Variants in DHRS9 observed in about 807,000 individuals in gnomAD.
DHRS9 encodes dehydrogenase/reductase SDR family member 9.
A neutral mutation model predicts 26.6 loss-of-function variants in DHRS9; 18 were observed. That is an observed-to-expected ratio of 0.68 (90% CI 0.47 to 1.00). The LOEUF (loss-of-function observed/expected upper bound fraction) is 1.00, where lower values mean the gene tolerates loss of function less well. Among genes scored for constraint, DHRS9 ranks in the 50% least tolerant of loss-of-function variants. The pLI, the probability that DHRS9 is intolerant of heterozygous loss-of-function variation, is 0.00. For synonymous variants in DHRS9, 134 were observed against 141.1 expected (o/e 0.95, Z 0.36); for missense variants, 425 against 378.7 (o/e 1.12, Z -1.01).
intron 2 of DHRS9, among the ~76,000 whole-genome samples, chr2:169,082,874 C>A (rs1202032336): frequency 9.0e-6 from 1 of 110,612 alleles, no homozygotes. Context: ...CACATCGGGG[C>A]CTGTTGTGGG....
chr2:169,079,993 GA>G (rs1558951608), intron 1 of DHRS9, among the ~76,000 whole-genome samples: 1 of 87,282 alleles, frequency 1.1e-5, no homozygotes, highest in Non-Finnish European at 2.4e-5. Flanking sequence ...GAGAAAGAAA[GA>G]AAGAAAGAAA....
Position 169,070,261 on chromosome 2 carries a change from A to G in DHRS9, c.-60+544A>G, listed in dbSNP as rs1029180902. ...TAAAAAAGCAGGGAAATTCCCAACA[A>G]TTCATATTTGATCCCTGGATCCAGG... On this transcript the variant is annotated intron_variant, in intron 1 of 4. Coordinates refer to ENST00000674881, the MANE Select transcript of DHRS9 (RefSeq NM_001376924.1). 44 of 985,376 alleles carry G rather than the reference A, an allele frequency of 4.5e-5. No individual in the cohort carries two copies. The African/African-American group carries it at 7.5e-4, about 17-fold the overall frequency. 61.0% of individuals were successfully genotyped at this position (985,376 alleles called of 1,614,324 possible). A position where few individuals can be genotyped will look rare whatever the true frequency, so the allele number is the denominator to read the frequency against.
In DHRS9 at chr2:169,081,535, T is replaced by C. The variant is rs765316623; in HGVS notation, c.-47T>C. On this transcript the variant is annotated 5_prime_UTR_variant, in exon 2 of 5. Transcript: ENST00000674881. ...TTTGAACACTCAGGACACCATCTTC[T>C]TGTATTATACAAGAAAGGAGTGTAC... The C allele has an allele frequency of 6.4e-6, 10 of 1,572,436 alleles. No homozygotes were observed. The Admixed American group carries it at 9.8e-5, about 15-fold the overall frequency.
Position 169,081,862 on chromosome 2 carries a change from C to T in DHRS9, c.281C>T (p.Ala94Val), listed in dbSNP as rs1441961800. 1 of 1,610,286 alleles carries T rather than the reference C, an allele frequency of 6.2e-7. No individual in the cohort carries two copies. The highest frequency in any genetic ancestry group is 1.7e-5 in the Admixed American group (1 of 59,604). ...VTDPENVKRT[A>V]QWVKNQVGEK... ...GACCCAGAGAATGTCAAGAGGACTG[C>T]CCAGTGGGTGAAGAACCAAGTTGGG... is the stretch of plus-strand genomic sequence containing the variant. The change falls in exon 2 of 5, where the codon GCC becomes GTC. Residue 94 changes from alanine (A) to valine (V), a missense_variant. Ala to Val is a moderately conservative substitution (Grantham distance 64). Coordinates refer to ENST00000674881, the MANE Select transcript of DHRS9 (RefSeq NM_001376924.1).
At chr2:169,093,629 A>G (rs1468701239) in intron 4 of DHRS9, among the ~76,000 whole-genome samples, 1 of 152,160 alleles carries the variant, frequency 6.6e-6, no homozygotes, top group Non-Finnish European at 1.5e-5. Flanking sequence ...ACTGACTTCC[A>G]TCTCCAATTA....
Position 169,083,328 on chromosome 2 carries a change from G to A in DHRS9, c.314-1G>A. ...CCTCTTTTCCTTCCTCTCTGTTCTA[G>A]GTCTCTGGGGTCTGATCAATAATGC... On this transcript the variant is annotated splice_acceptor_variant, in intron 2 of 4. Coordinates refer to ENST00000674881, the MANE Select transcript of DHRS9 (RefSeq NM_001376924.1). LOFTEE classifies it high-confidence loss of function. The A allele has an allele frequency of 6.2e-7, 1 of 1,613,610 alleles. No individual in the cohort carries two copies. Among genetic ancestry groups the A allele is most frequent in the Non-Finnish European group, 8.5e-7 (1 of 1,179,642 alleles).
intron 1 of DHRS9, among the ~76,000 whole-genome samples, chr2:169,079,920 GGAGAGAGAGAGA>G (rs1200500362): frequency 3.9e-4 from 4 of 10,308 alleles, no homozygotes; most frequent in Non-Finnish European, 6.1e-4. Context: ...GGAGGGAGGG[GGAGAGAGAGAGA>G]GAGAGAGAGA....
intron 3 of DHRS9, among the ~76,000 whole-genome samples, chr2:169,090,783 A>C (rs564274692): frequency 6.6e-6 from 1 of 152,312 alleles, no homozygotes; most frequent in South Asian, 2.1e-4. Context: ...AATGGTGTGA[A>C]AGTGAGATGC....
upstream of DHRS9, among the ~76,000 whole-genome samples, chr2:169,069,142 G>A (rs1178497570): frequency 1.3e-5 from 2 of 151,924 alleles, no homozygotes; most frequent in Non-Finnish European, 2.9e-5. Context: ...AAAAAAAATG[G>A]TAACACCAAT....
chr2:169,088,619 AG>A (rs1684425285), intron 3 of DHRS9, among the ~76,000 whole-genome samples: 1 of 152,180 alleles, frequency 6.6e-6, no homozygotes, highest in South Asian at 2.1e-4. Context: ...AGTTATTCCC[AG>A]TGTATAGATG....
At position 169,085,320 on chromosome 2, in the gene DHRS9, T is replaced by C. The variant is rs139165127; in HGVS notation, c.572+1733T>C. On this transcript the variant is annotated intron_variant, in intron 3 of 4. Coordinates refer to ENST00000674881, the MANE Select transcript of DHRS9 (RefSeq NM_001376924.1). Reference sequence around the variant, plus strand: ...GGTGTCTTTGGCTACTCTGGGTCTTTTGTGTTTCTATATAAATTTTAGGAT... The same window carrying C: ...GGTGTCTTTGGCTACTCTGGGTCTTCTGTGTTTCTATATAAATTTTAGGAT... 3.2e-3 allele frequency among the ~76,000 whole-genome samples: 486 copies of C among 152,300 alleles called. 5 individuals carry two copies. Among genetic ancestry groups the C allele is most frequent in the Non-Finnish European group, 5.0e-3 (343 of 67,998 alleles).
At chr2:169,077,238 T>A (rs1371242400) in intron 1 of DHRS9, among the ~76,000 whole-genome samples, 1 of 152,228 alleles carries the variant, frequency 6.6e-6, no homozygotes, top group East Asian at 1.9e-4. Context: ...TGTGCATAGT[T>A]TTTGGAGTAC....
chr2:169,085,283 G>T (rs975489013), intron 3 of DHRS9, among the ~76,000 whole-genome samples: 2 of 151,918 alleles, frequency 1.3e-5, no homozygotes, highest in Non-Finnish European at 2.9e-5. Flanking sequence ...CTCCAGTTTT[G>T]TATTTGTCCA....
At chr2:169,079,167 AT>A (rs908441591) in intron 1 of DHRS9, among the ~76,000 whole-genome samples, 25 of 147,564 alleles carry the variant, frequency 1.7e-4, no homozygotes, top group East Asian at 4.0e-4. Flanking sequence ...TTCTTTTATC[AT>A]TTTTTTTTTC....
At chr2:169,067,818 G>A (rs74899700), upstream of DHRS9, among the ~76,000 whole-genome samples, 1,793 of 152,238 alleles carry the variant, frequency 0.012, 26 homozygotes, top group Non-Finnish European at 0.018. Flanking sequence ...TTAACTGATC[G>A]CCTATGTGGG....
At chr2:169,080,058 GTCC>G (rs1303783432) in intron 1 of DHRS9, among the ~76,000 whole-genome samples, 14 of 138,938 alleles carry the variant, frequency 1.0e-4, no homozygotes, top group South Asian at 2.4e-4. Context: ...AGAAAATAAA[GTCC>G]AAAGTCTATA....
chr2:169,073,727 G>A (rs1683879214), intron 1 of DHRS9, among the ~76,000 whole-genome samples: 1 of 152,022 alleles, frequency 6.6e-6, no homozygotes, highest in South Asian at 2.1e-4. Context: ...TGCAGCAGCA[G>A]GATATGAGTA....
chr2:169,070,598 C>G, intron 1 of DHRS9: 2 of 984,618 alleles, frequency 2.0e-6, no homozygotes, highest in Non-Finnish European at 2.4e-6. Flanking sequence ...AATGTTATAC[C>G]ACCTTTCTAT....
intron 1 of DHRS9, among the ~76,000 whole-genome samples, chr2:169,071,787 A>C (rs945611322): frequency 1.3e-5 from 2 of 152,214 alleles, no homozygotes; most frequent in Non-Finnish European, 2.9e-5. Flanking sequence ...AATAATTATT[A>C]TAATTGTTAT....
Sources: gnomAD v4.1 joint callset for allele counts (sites outside exome capture counted in the v4.1 genomes callset) on GRCh38, gnomAD v4.1.1 for gene constraint, MANE v1.5 for transcripts, NCBI Gene and HGNC (gene_info 2026-07-23, HGNC 2026-07-21) for gene names.